The following SLC1A2 variants were observed in gnomAD, a reference collection of about 807,000 sequenced individuals.
The protein encoded by SLC1A2 is excitatory amino acid transporter 2.
Under a neutral mutation model 48.8 loss-of-function variants are expected in SLC1A2, and 15 were observed. The ratio of observed to expected loss-of-function variants is 0.31; its 90% CI spans 0.21 to 0.47. The LOEUF (loss-of-function observed/expected upper bound fraction) is 0.47, where lower values mean the gene tolerates loss of function less well. Ranked by LOEUF, SLC1A2 falls within the 20% of genes least tolerant of loss-of-function variation. The probability of loss-of-function intolerance (pLI) is 0.99; values close to 1 mark genes in which losing one functional copy is unlikely to be tolerated. For missense variants in SLC1A2, 502 were observed against 730.5 expected (o/e 0.69, Z 3.61); for synonymous variants, 279 against 272.6 (o/e 1.02, Z -0.23).
Position 35,256,100 on chromosome 11 carries a change from A to G in SLC1A2, c.*4794T>C, listed in dbSNP as rs1950311559. 1 of 152,206 alleles carries G rather than the reference A, an allele frequency of 6.6e-6. No homozygotes were observed. Among genetic ancestry groups the G allele is most frequent in the Non-Finnish European group, 1.5e-5 (1 of 68,030 alleles). The allele number at this position is 152,206 out of a possible 1,614,324, so 9.4% of individuals were successfully genotyped here. A position where few individuals can be genotyped will look rare whatever the true frequency, so the allele number is the denominator to read the frequency against. On this transcript the variant is annotated 3_prime_UTR_variant, in exon 11 of 11. Coordinates refer to ENST00000278379, the MANE Select transcript of SLC1A2 (RefSeq NM_004171.4). ...TTAATCCAACCCCTTCACTTTTCAT[A>G]TGGGAGAAAATGAGGCTTGGACACA...
chr11:35,408,097 T>C (rs749876168), intron 1 of SLC1A2, among the ~76,000 whole-genome samples: 2 of 152,236 alleles, frequency 1.3e-5, no homozygotes, highest in Middle Eastern at 3.4e-3. Flanking sequence ...TCGCCCCCAT[T>C]TGCTTAATCT....
intron 6 of SLC1A2, chr11:35,297,954 A>C (rs1851221667): frequency 6.6e-6 from 1 of 152,184 alleles, no homozygotes. Context: ...CGGGGCTTAG[A>C]GTGTCTAAAT....
At chr11:35,297,950 T>G (rs1379555831) in intron 6 of SLC1A2, 1 of 152,204 alleles carries the variant, frequency 6.6e-6, no homozygotes, top group Non-Finnish European at 1.5e-5. Context: ...ATATCGGGGC[T>G]TAGAGTGTCT....
intron 9 of SLC1A2, among the ~76,000 whole-genome samples, chr11:35,279,774 C>T (rs1850563905): frequency 6.6e-6 from 1 of 152,182 alleles, no homozygotes; most frequent in South Asian, 2.1e-4. Flanking sequence ...GGAATAATAA[C>T]ATTTAACTTT....
intron 1 of SLC1A2, among the ~76,000 whole-genome samples, chr11:35,390,374 T>A (rs1300279372): frequency 6.6e-6 from 1 of 152,212 alleles, no homozygotes; most frequent in Non-Finnish European, 1.5e-5. Context: ...ATAGTTTCTA[T>A]TCTCCTCCAT....
intron 1 of SLC1A2, among the ~76,000 whole-genome samples, chr11:35,362,716 C>T (rs1196410303): frequency 6.6e-6 from 1 of 152,166 alleles, no homozygotes; most frequent in African/African-American, 2.4e-5. Context: ...ACTTTATGAG[C>T]CTTAAATGGC....
At chr11:35,412,060 C>G (rs899232543) in intron 1 of SLC1A2, among the ~76,000 whole-genome samples, 18 of 140,724 alleles carry the variant, frequency 1.3e-4, no homozygotes, top group Admixed American at 3.5e-4. Context: ...AAAAACAAAA[C>G]AAAAATAAAA....
rs1950321575 is a variant in SLC1A2, at chr11:35,256,890, G to T, written c.*4004C>A. ...AGCTAATGAGACTTGTTTTTCAGGA[G>T]TCAGAACTATGGAGAATTCTCTCTG... On this transcript the variant is annotated 3_prime_UTR_variant, in exon 11 of 11. Transcript: ENST00000278379. The T allele has an allele frequency of 6.6e-6, 1 of 152,098 alleles. No individual in the cohort carries two copies. Among genetic ancestry groups the T allele is most frequent in the African/African-American group, 2.4e-5 (1 of 41,428 alleles). The allele number at this position is 152,098 out of a possible 1,614,324, so 9.4% of individuals were successfully genotyped here.
rs376949052 is a variant in SLC1A2 at position 35,313,683 on chromosome 11, G to A, written c.311-1235C>T. On this transcript the variant is annotated intron_variant, in intron 3 of 10. Coordinates refer to ENST00000278379, the MANE Select transcript of SLC1A2 (RefSeq NM_004171.4). Reference sequence around the variant, plus strand: ...AGGTTTCCCCACCAAGTTGGCCAACGTATGACCTGTTAACAGGTGCAGAGA... The same window carrying A: ...AGGTTTCCCCACCAAGTTGGCCAACATATGACCTGTTAACAGGTGCAGAGA... Among the ~76,000 whole-genome samples, 7 of 152,232 alleles carry A rather than the reference G, an allele frequency of 4.6e-5. No homozygotes were observed. The South Asian group carries it at 1.0e-3, about 23-fold the overall frequency.
At chr11:35,286,148 G>A (rs1301487795) in intron 8 of SLC1A2, 2 of 152,100 alleles carry the variant, frequency 1.3e-5, no homozygotes, top group African/African-American at 4.8e-5. Flanking sequence ...TGTTCTTTCT[G>A]AATTTTTAAA....
At chr11:35,299,427 C>A (rs539747286) in intron 6 of SLC1A2, 58 of 151,654 alleles carry the variant, frequency 3.8e-4, no homozygotes, top group Middle Eastern at 6.8e-3. Context: ...ATTCCCAAAT[C>A]TTCATACAAC....
intron 10 of SLC1A2, 76 bp from the exon 11 acceptor site, chr11:35,261,041 C>T: frequency 9.8e-7 from 1 of 1,020,806 alleles, no homozygotes; most frequent in Non-Finnish European, 1.6e-6. Context: ...TGTGGAGAAG[C>T]ACCAAATCCA....
At chr11:35,395,206 C>T (rs896932146) in intron 1 of SLC1A2, among the ~76,000 whole-genome samples, 1 of 151,834 alleles carries the variant, frequency 6.6e-6, no homozygotes, top group Non-Finnish European at 1.5e-5. Context: ...AGACCTCAAG[C>T]CATGCACCAA....
rs1202463609 is a variant in SLC1A2 at position 35,259,978 on chromosome 11, C to G, written c.*916G>C. 6.6e-6 allele frequency: 1 copy of G among 152,010 alleles called. No individual in the cohort carries two copies. The highest frequency in any genetic ancestry group is 2.4e-5 in the African/African-American group (1 of 41,408). 9.4% of individuals were successfully genotyped at this position (152,010 alleles called of 1,614,324 possible). ...TAAAAATATCTTTTTCTTTAGGAAC[C>G]AAAAAATAATCTTTTGGGTTAAACA... On this transcript the variant is annotated 3_prime_UTR_variant, in exon 11 of 11. Transcript: ENST00000278379.
intron 1 of SLC1A2, among the ~76,000 whole-genome samples, chr11:35,349,203 A>G (rs1853151575): frequency 6.6e-6 from 1 of 152,208 alleles, no homozygotes; most frequent in South Asian, 2.1e-4. Context: ...GGAAGCCTGC[A>G]TTGAGGTGTG....
chr11:35,263,626 G>C (rs892187921), intron 10 of SLC1A2, among the ~76,000 whole-genome samples: 6 of 152,006 alleles, frequency 3.9e-5, no homozygotes, highest in African/African-American at 1.4e-4. Flanking sequence ...AATTCCAAAA[G>C]GGCCATACGC....
chr11:35,296,013 A>C (rs1040277158), intron 6 of SLC1A2, among the ~76,000 whole-genome samples: 1 of 152,180 alleles, frequency 6.6e-6, no homozygotes, highest in Non-Finnish European at 1.5e-5. Flanking sequence ...TATTTTAAAC[A>C]AGCTCCCCAG....
At chr11:35,398,323 T>A (rs563856571) in intron 1 of SLC1A2, among the ~76,000 whole-genome samples, 1 of 152,280 alleles carries the variant, frequency 6.6e-6, no homozygotes, top group African/African-American at 2.4e-5. Flanking sequence ...CAGAATACCA[T>A]GCAGCCATAA....
At chr11:35,357,743 T>C (rs1389065216) in intron 1 of SLC1A2, among the ~76,000 whole-genome samples, 1 of 152,202 alleles carries the variant, frequency 6.6e-6, no homozygotes, top group Non-Finnish European at 1.5e-5. Flanking sequence ...TCCTACATAT[T>C]GTCCACACAA....
Sources: allele counts gnomAD v4.1 joint callset (sites outside exome capture counted in the v4.1 genomes callset), GRCh38; gene constraint gnomAD v4.1.1; transcripts MANE v1.5; gene names NCBI Gene and HGNC (gene_info 2026-07-23, HGNC 2026-07-21).